Variants in FUT9 observed in about 807,000 individuals in gnomAD.
FUT9 encodes the protein 4-galactosyl-N-acetylglucosaminide 3-alpha-L-fucosyltransferase 9.
Under a neutral mutation model 29.7 loss-of-function variants are expected in FUT9, and 15 were observed. The observed-to-expected ratio is 0.51, with a 90% CI of 0.34 to 0.78. The LOEUF (loss-of-function observed/expected upper bound fraction) is 0.78, where lower values mean the gene tolerates loss of function less well. FUT9 is among the 30% of genes least tolerant of loss of function. The pLI, the probability that FUT9 is intolerant of heterozygous loss-of-function variation, is 0.01. For synonymous variants in FUT9, 169 were observed against 153.7 expected (o/e 1.10, Z -0.74); for missense variants, 319 against 425.4 (o/e 0.75, Z 2.20).
At chr6:96,172,795 C>A (rs1229356229) in intron 2 of FUT9, among the ~76,000 whole-genome samples, 2 of 133,734 alleles carry the variant, frequency 1.5e-5, no homozygotes, top group Non-Finnish European at 3.2e-5. Flanking sequence ...AAAAGATTGG[C>A]ACTTTGGAGG....
At chr6:96,075,011 T>C (rs1441058877) in intron 1 of FUT9, among the ~76,000 whole-genome samples, 1 of 151,996 alleles carries the variant, frequency 6.6e-6, no homozygotes, top group Non-Finnish European at 1.5e-5. Context: ...TAGAAACTCC[T>C]GGCCTCAAGC....
At chr6:96,029,984 A>G (rs1770232928) in intron 1 of FUT9, among the ~76,000 whole-genome samples, 2 of 151,562 alleles carry the variant, frequency 1.3e-5, no homozygotes, top group Admixed American at 6.6e-5. Flanking sequence ...GAGTTTCAGA[A>G]TCCAAGAAGC....
intron 2 of FUT9, among the ~76,000 whole-genome samples, chr6:96,153,553 T>C (rs1184938705): frequency 6.6e-6 from 1 of 152,208 alleles, no homozygotes; most frequent in Non-Finnish European, 1.5e-5. Flanking sequence ...AGACTGATTT[T>C]GGTTAGAAAA....
chr6:96,040,817 A>G (rs973679056), intron 1 of FUT9, among the ~76,000 whole-genome samples: 8 of 152,170 alleles, frequency 5.3e-5, no homozygotes, highest in Non-Finnish European at 8.8e-5. Context: ...TCACCAAGAC[A>G]CTGGAAGATG....
intron 1 of FUT9, among the ~76,000 whole-genome samples, chr6:96,054,276 GAGAT>G (rs1770724418): frequency 6.6e-6 from 1 of 152,164 alleles, no homozygotes; most frequent in Non-Finnish European, 1.5e-5. Context: ...AAAAATGAAA[GAGAT>G]AGATATAGGT....
intron 2 of FUT9, among the ~76,000 whole-genome samples, chr6:96,135,825 T>A (rs894694200): frequency 6.6e-5 from 10 of 151,934 alleles, no homozygotes; most frequent in Middle Eastern, 3.4e-3. Flanking sequence ...CACAATTTTT[T>A]AAAAATATAA....
intron 1 of FUT9, among the ~76,000 whole-genome samples, chr6:96,075,551 AC>A: frequency 6.6e-6 from 1 of 152,288 alleles, no homozygotes; most frequent in Middle Eastern, 3.4e-3. Context: ...CTTATGTATA[AC>A]TTTTTATTTC....
intron 1 of FUT9, among the ~76,000 whole-genome samples, chr6:96,102,103 T>C (rs992394055): frequency 2.0e-5 from 3 of 152,128 alleles, no homozygotes; most frequent in Non-Finnish European, 4.4e-5. Context: ...TCATGACAAT[T>C]GTATGCAGAT....
At chr6:96,125,685 C>T (rs895656803) in intron 2 of FUT9, among the ~76,000 whole-genome samples, 1 of 152,128 alleles carries the variant, frequency 6.6e-6, no homozygotes, top group African/African-American at 2.4e-5. Context: ...CACCTGCACC[C>T]TCAGAGCCCC....
intron 2 of FUT9, among the ~76,000 whole-genome samples, chr6:96,199,481 T>C (rs1460140835): frequency 1.3e-5 from 2 of 152,076 alleles, no homozygotes; most frequent in African/African-American, 4.8e-5. Context: ...CCAGGAAGCA[T>C]GAAAACTGGA....
intron 2 of FUT9, among the ~76,000 whole-genome samples, chr6:96,124,986 A>G (rs1484138389): frequency 6.6e-6 from 1 of 152,190 alleles, no homozygotes; most frequent in East Asian, 1.9e-4. Flanking sequence ...CCTCATGAAA[A>G]GAGCTTGCAT....
In FUT9 at chr6:96,210,237, G is replaced by C. The variant is rs1029176382; in HGVS notation, c.*6002G>C. 1 of 166,692 alleles carries C rather than the reference G, an allele frequency of 6.0e-6. No individual in the cohort carries two copies. Among genetic ancestry groups the C allele is most frequent in the Non-Finnish European group, 1.5e-5 (1 of 68,014 alleles). The allele number at this position is 166,692 out of a possible 1,614,324, so 10.3% of individuals were successfully genotyped here. ...CACCTGGAATCTTCTTAAATATATC[G>C]GTAAAGTATTCTACTTCAAAATCCA... On this transcript the variant is annotated 3_prime_UTR_variant, in exon 3 of 3. Coordinates refer to ENST00000302103, the MANE Select transcript of FUT9 (RefSeq NM_006581.4).
At position 96,143,063 on chromosome 6, in the gene FUT9, G is replaced by A. The variant is rs150525569; in HGVS notation, c.-9+28936G>A. On this transcript the variant is annotated intron_variant, in intron 2 of 2. Coordinates refer to ENST00000302103, the MANE Select transcript of FUT9 (RefSeq NM_006581.4). ...TCTTAGTGAACTTTAGGGTTGCTGT[G>A]GTCTGAATGTTTGCGCCCCTCTCAA... Among the ~76,000 whole-genome samples, 53 of 152,180 alleles carry A rather than the reference G, an allele frequency of 3.5e-4. 1 individual carries two copies. The highest frequency in any genetic ancestry group is 1.2e-3 in the African/African-American group (50 of 41,522).
At position 96,203,590 on chromosome 6, in the gene FUT9, G is replaced by C; in HGVS notation, c.435G>C (p.Lys145Asn). The part of the protein sequence containing the change: ...NLESPTHTPQ[K>N]SGIEHLFNLT... ...AATCACCAACTCACACTCCCCAAAA[G>C]AGTGGCATTGAGCACTTGTTTAACC... The change falls in exon 3 of 3, where the codon AAG becomes AAC. Residue 145 changes from lysine (K) to asparagine (N), a missense_variant. Transcript: ENST00000302103. 6.2e-7 allele frequency: 1 copy of C among 1,613,888 alleles called. No homozygotes were observed. Among genetic ancestry groups the C allele is most frequent in the African/African-American group, 1.3e-5 (1 of 75,006 alleles).
chr6:96,017,486 G>T (rs1350427009), intron 1 of FUT9, among the ~76,000 whole-genome samples: 1 of 151,866 alleles, frequency 6.6e-6, no homozygotes, highest in Non-Finnish European at 1.5e-5. Flanking sequence ...CATCGGGAGG[G>T]GTCATTTAAA....
intron 1 of FUT9, among the ~76,000 whole-genome samples, chr6:96,096,121 T>G (rs1167410215): frequency 6.6e-6 from 1 of 152,156 alleles, no homozygotes; most frequent in Non-Finnish European, 1.5e-5. Flanking sequence ...TTATTATATA[T>G]AGAATGGAAA....
In FUT9 at chr6:96,094,095, A is replaced by C. The variant is rs527311935; in HGVS notation, c.-97-19944A>C. Among the ~76,000 whole-genome samples, 9 of 152,266 alleles carry C rather than the reference A, an allele frequency of 5.9e-5. No individual in the cohort carries two copies. The South Asian group carries it at 1.9e-3, about 32-fold the overall frequency. ...ATCAAACAAGTTTTGGATACGCTGCATGTCATATTCAATAGTCCTCCCTTA... is the reference window on the plus strand; with the variant it reads ...ATCAAACAAGTTTTGGATACGCTGCCTGTCATATTCAATAGTCCTCCCTTA... On this transcript the variant is annotated intron_variant, in intron 1 of 2. Coordinates refer to ENST00000302103, the MANE Select transcript of FUT9 (RefSeq NM_006581.4).
At chr6:96,199,647 T>G (rs1301338812) in intron 2 of FUT9, among the ~76,000 whole-genome samples, 1 of 152,162 alleles carries the variant, frequency 6.6e-6, no homozygotes, top group Non-Finnish European at 1.5e-5. Context: ...GATTTTGCTC[T>G]TCTAGTGGTA....
chr6:96,100,661 TA>T (rs1422782517), intron 1 of FUT9, among the ~76,000 whole-genome samples: 2 of 152,294 alleles, frequency 1.3e-5, no homozygotes, highest in East Asian at 1.9e-4. Context: ...TGATGATCGA[TA>T]AGCCAAGAAG....
Sources: gnomAD v4.1 joint callset for allele counts (sites outside exome capture counted in the v4.1 genomes callset) on GRCh38, gnomAD v4.1.1 for gene constraint, MANE v1.5 for transcripts, NCBI Gene and HGNC (gene_info 2026-07-23, HGNC 2026-07-21) for gene names.